Variants in SPAST observed in about 807,000 individuals in gnomAD.
SPAST encodes spastin.
In SPAST, 30 loss-of-function variants were observed where a neutral mutation model predicts 76.6. That is an observed-to-expected ratio of 0.39 (90% CI 0.29 to 0.53). The LOEUF (loss-of-function observed/expected upper bound fraction) is 0.53, where lower values mean the gene tolerates loss of function less well. Among genes scored for constraint, SPAST ranks in the 20% least tolerant of loss-of-function variants. The pLI, the probability that SPAST is intolerant of heterozygous loss-of-function variation, is 0.68. For missense variants in SPAST, 717 were observed against 770.5 expected (o/e 0.93, Z 0.82); for synonymous variants, 305 against 281.0 (o/e 1.09, Z -0.86).
In SPAST at chr2:32,127,150, TTTTG is replaced by T. The variant is rs556108871; in HGVS notation, c.1173+140_1173+143del. 341 of 742,074 alleles carry T rather than the reference TTTTG, an allele frequency of 4.6e-4. 2 individuals carry two copies. The highest frequency in any genetic ancestry group is 3.6e-3 in the Middle Eastern group (11 of 3,054). The allele number at this position is 742,074 out of a possible 1,614,324, so 46.0% of individuals were successfully genotyped here. Reference sequence around the variant, plus strand: ...TTTTGCTATTGTACACTTTTGTTTTTTTTGTTTGTTTGTTTTGTTTTGTTTTGAG... The same window carrying T: ...TTTTGCTATTGTACACTTTTGTTTTTTTTGTTTGTTTTGTTTTGTTTTGAG... On this transcript the variant is annotated intron_variant, in intron 8 of 16. Transcript: ENST00000315285.
chr2:32,085,683 A>C (rs371874002), intron 1 of SPAST, among the ~76,000 whole-genome samples: 1 of 152,126 alleles, frequency 6.6e-6, no homozygotes, highest in African/African-American at 2.4e-5. Context: ...AGAATCGGGG[A>C]GGTAGTACAT....
chr2:32,122,249 C>A (rs1021051852), intron 7 of SPAST, among the ~76,000 whole-genome samples: 2 of 152,024 alleles, frequency 1.3e-5, no homozygotes, highest in Non-Finnish European at 2.9e-5. Context: ...TATTGGTGTT[C>A]CAGAAAATGG....
rs749894504 is a variant in SPAST at position 32,089,606 on chromosome 2, G to C, written c.586+1G>C. Reference sequence around the variant, plus strand: ...GCCAAGGACCGCTTACAACTTCTAGGTATCAATTAATGTATAATTTGATGT... The same window carrying C: ...GCCAAGGACCGCTTACAACTTCTAGCTATCAATTAATGTATAATTTGATGT... On this transcript the variant is annotated splice_donor_variant, in intron 3 of 16. Transcript: ENST00000315285. LOFTEE classifies it high-confidence loss of function. 2.7e-6 allele frequency: 4 copies of C among 1,495,748 alleles called. No homozygotes were observed. The highest frequency in any genetic ancestry group is 3.7e-6 in the Non-Finnish European group (4 of 1,072,186). 92.7% of individuals were successfully genotyped at this position (1,495,748 alleles called of 1,614,324 possible). A position where few individuals can be genotyped will look rare whatever the true frequency, so the allele number is the denominator to read the frequency against.
Position 32,155,851 on chromosome 2 carries a change from A to G in SPAST, c.*1355A>G, listed in dbSNP as rs1680233250. On this transcript the variant is annotated 3_prime_UTR_variant, in exon 17 of 17. Transcript: ENST00000315285. ...TGCTATGTAAAATGTCATGAGTGGA[A>G]AGAATATTTGTAGTAGTAACAAGAA... The G allele has an allele frequency of 6.6e-6, 1 of 152,530 alleles. No individual in the cohort carries two copies. Among genetic ancestry groups the G allele is most frequent in the Non-Finnish European group, 1.5e-5 (1 of 68,026 alleles). The allele number at this position is 152,530 out of a possible 1,614,324, so 9.4% of individuals were successfully genotyped here.
Position 32,076,410 on chromosome 2 carries a change from CAG to C in SPAST, c.416-11081_416-11080del, listed in dbSNP as rs1419827911. ...ATTAAATTTTTTTTTCTTGTAGACA[CAG>C]GGTCCTACTGTATTACCCAGGCTGG... On this transcript the variant is annotated intron_variant, in intron 1 of 16. Coordinates refer to ENST00000315285, the MANE Select transcript of SPAST (RefSeq NM_014946.4). Among the ~76,000 whole-genome samples the C allele has an allele frequency of 8.5e-5, 13 of 152,126 alleles. No homozygotes were observed. The East Asian group carries it at 2.1e-3, about 25-fold the overall frequency.
chr2:32,101,076 A>C (rs998605282), intron 4 of SPAST, among the ~76,000 whole-genome samples: 1 of 152,214 alleles, frequency 6.6e-6, no homozygotes, highest in Non-Finnish European at 1.5e-5. Flanking sequence ...CGTTCCCATC[A>C]ACAGTGTAAA....
At chr2:32,112,867 T>G (rs1434999462) in intron 4 of SPAST, among the ~76,000 whole-genome samples, 3 of 152,134 alleles carry the variant, frequency 2.0e-5, no homozygotes, top group African/African-American at 7.2e-5. Context: ...ATTTGCTGAC[T>G]GACTTAACAT....
chr2:32,116,554 G>C (rs767775298), intron 7 of SPAST, among the ~76,000 whole-genome samples: 3 of 151,954 alleles, frequency 2.0e-5, no homozygotes, highest in Non-Finnish European at 4.4e-5. Flanking sequence ...CAACCTCTGC[G>C]TCCCAGAATT....
chr2:32,089,495 A>G (rs1442109436), intron 2 of SPAST, 27 bp from the exon 3 acceptor site: 1 of 1,244,222 alleles, frequency 8.0e-7, no homozygotes, highest in African/African-American at 1.5e-5. Flanking sequence ...GGAAATGTAG[A>G]TATTTTAATT....
At chr2:32,088,860 G>A (rs991250214) in intron 2 of SPAST, among the ~76,000 whole-genome samples, 1 of 152,044 alleles carries the variant, frequency 6.6e-6, no homozygotes, top group African/African-American at 2.4e-5. Flanking sequence ...GCATGCATGG[G>A]CAATGAAAAG....
At chr2:32,148,474 C>A (rs1367661829) in intron 16 of SPAST, among the ~76,000 whole-genome samples, 4 of 149,524 alleles carry the variant, frequency 2.7e-5, no homozygotes, top group Non-Finnish European at 5.9e-5. Flanking sequence ...GAGTTCAAGA[C>A]CAGCCTGGCC....
chr2:32,150,381 A>G (rs1400421227), intron 16 of SPAST, among the ~76,000 whole-genome samples: 2 of 148,064 alleles, frequency 1.4e-5, no homozygotes, highest in Non-Finnish European at 3.0e-5. Context: ...ATGAGCCACC[A>G]CGCCCGGCTG....
At chr2:32,124,051 C>G (rs1206333727) in intron 7 of SPAST, among the ~76,000 whole-genome samples, 1 of 151,900 alleles carries the variant, frequency 6.6e-6, no homozygotes, top group Non-Finnish European at 1.5e-5. Context: ...TAAACTTCTG[C>G]TCTGTGTAAG....
rs1349285017 is a variant in SPAST at position 32,064,119 on chromosome 2, G to A, written c.288G>A (p.Ala96=). The A allele has an allele frequency of 1.9e-6, 3 of 1,592,330 alleles. No individual in the cohort carries two copies. The highest frequency in any genetic ancestry group is 2.6e-6 in the Non-Finnish European group (3 of 1,169,886). The change falls in exon 1 of 17, where the codon GCG becomes GCA. Residue 96 remains alanine, a synonymous_variant. Coordinates refer to ENST00000315285, the MANE Select transcript of SPAST (RefSeq NM_014946.4). ...CAGCCAAGAGGAGCTCCGGGGCCGC[G>A]CCAGCACCTGCCTCGGCCTCGGCCC... is the stretch of plus-strand genomic sequence containing the variant. ...LMAAKRSSGA[A]PAPASASAPA...
chr2:32,090,894 G>C (rs115186178), intron 3 of SPAST, among the ~76,000 whole-genome samples: 2,856 of 152,222 alleles, frequency 0.019, 43 homozygotes, highest in South Asian at 0.044. Context: ...GGTTGTGTTT[G>C]TGTGTTCATC....
intron 1 of SPAST, among the ~76,000 whole-genome samples, chr2:32,075,785 C>A (rs1676935697): frequency 6.7e-6 from 1 of 148,156 alleles, no homozygotes; most frequent in African/African-American, 2.5e-5. Context: ...AACTCCTGAG[C>A]TCAAGTGATC....
At chr2:32,098,342 G>A (rs765344141) in intron 3 of SPAST, among the ~76,000 whole-genome samples, 3 of 152,102 alleles carry the variant, frequency 2.0e-5, no homozygotes, top group Non-Finnish European at 4.4e-5. Flanking sequence ...TCTGTATGTA[G>A]TGTCAACTAC....
chr2:32,087,166 T>A (rs1483269039), intron 1 of SPAST, among the ~76,000 whole-genome samples: 1 of 152,186 alleles, frequency 6.6e-6, no homozygotes, highest in Non-Finnish European at 1.5e-5. Context: ...ATCATATTTG[T>A]ATTTTTCAAA....
intron 15 of SPAST, among the ~76,000 whole-genome samples, chr2:32,146,443 C>T (rs764514552): frequency 1.3e-5 from 2 of 152,070 alleles, no homozygotes; most frequent in Non-Finnish European, 2.9e-5. Context: ...AGCCTGTAAT[C>T]CCAGCTACTC....
Sources: gnomAD v4.1 joint callset for allele counts (sites outside exome capture counted in the v4.1 genomes callset) on GRCh38, gnomAD v4.1.1 for gene constraint, MANE v1.5 for transcripts, NCBI Gene and HGNC (gene_info 2026-07-23, HGNC 2026-07-21) for gene names.